Variants in CNTNAP2 observed in about 807,000 individuals in gnomAD.
CNTNAP2 encodes the protein contactin-associated protein-like 2.
In CNTNAP2, 98 loss-of-function variants were observed where a neutral mutation model predicts 155.2. The observed-to-expected ratio is 0.63, with a 90% CI of 0.54 to 0.75. The LOEUF is 0.75. CNTNAP2 is among the 30% of genes least tolerant of loss of function. CNTNAP2 has a pLI of 0.00. For synonymous variants in CNTNAP2, 651 were observed against 631.2 expected (o/e 1.03, Z -0.47); for missense variants, 1,727 against 1,688.1 (o/e 1.02, Z -0.40).
chr7:147,865,562 T>G (rs1202080850), intron 13 of CNTNAP2, among the ~76,000 whole-genome samples: 1 of 152,128 alleles, frequency 6.6e-6, no homozygotes, highest in Non-Finnish European at 1.5e-5. Context: ...GGTTCTGGAC[T>G]TTTTTTGATT....
intron 1 of CNTNAP2, among the ~76,000 whole-genome samples, chr7:146,533,946 A>G (rs998294013): frequency 6.6e-6 from 1 of 152,170 alleles, no homozygotes; most frequent in Admixed American, 6.6e-5. Context: ...TATTAAAGTT[A>G]AGTTAGAAAA....
intron 1 of CNTNAP2, 44 bp downstream of exon 1, chr7:146,117,017 C>A: frequency 6.7e-7 from 1 of 1,497,528 alleles, no homozygotes; most frequent in Non-Finnish European, 9.1e-7. Flanking sequence ...AGTTTCAGTG[C>A]GGCATTGATG....
intron 21 of CNTNAP2, among the ~76,000 whole-genome samples, chr7:148,340,333 G>C (rs1798206724): frequency 6.6e-6 from 1 of 152,164 alleles, no homozygotes; most frequent in Non-Finnish European, 1.5e-5. Context: ...CCCGAGGGAA[G>C]ATAAAGCATA....
chr7:147,358,483 T>C (rs17170444), intron 9 of CNTNAP2, among the ~76,000 whole-genome samples: 8,150 of 152,164 alleles, frequency 0.054, 739 homozygotes, highest in African/African-American at 0.19. Context: ...TGAGTAAACA[T>C]AGCTGAGTAA....
intron 1 of CNTNAP2, among the ~76,000 whole-genome samples, chr7:146,556,450 G>T (rs184590595): frequency 7.4e-4 from 112 of 152,268 alleles, no homozygotes; most frequent in African/African-American, 2.6e-3. Context: ...CATAACGCAT[G>T]TAAATCATGC....
chr7:146,867,386 G>A (rs1448511967), intron 3 of CNTNAP2, among the ~76,000 whole-genome samples: 1 of 152,124 alleles, frequency 6.6e-6, no homozygotes. Flanking sequence ...ATTTCATGGT[G>A]TATATTTAGC....
At chr7:147,443,737 A>G (rs1031258823) in intron 10 of CNTNAP2, among the ~76,000 whole-genome samples, 4 of 152,166 alleles carry the variant, frequency 2.6e-5, no homozygotes, top group East Asian at 1.9e-4. Context: ...AAGTGTGTGT[A>G]GAGATATGTT....
chr7:146,571,800 C>T (rs1230344930), intron 1 of CNTNAP2, among the ~76,000 whole-genome samples: 9 of 151,078 alleles, frequency 6.0e-5, no homozygotes, highest in Non-Finnish European at 1.3e-4. Context: ...GGCATGACCT[C>T]GGCTCACTGC....
chr7:147,397,367 C>T (rs1386190979), intron 10 of CNTNAP2, among the ~76,000 whole-genome samples: 2 of 152,054 alleles, frequency 1.3e-5, no homozygotes, highest in East Asian at 1.9e-4. Context: ...TAATTATCTA[C>T]ATATTGTTTT....
chr7:147,470,055 G>T (rs773500954), intron 10 of CNTNAP2, among the ~76,000 whole-genome samples: 1 of 152,152 alleles, frequency 6.6e-6, no homozygotes, highest in Non-Finnish European at 1.5e-5. Flanking sequence ...ATGAGGTGGG[G>T]TGGAGTGCAT....
intron 8 of CNTNAP2, among the ~76,000 whole-genome samples, chr7:147,270,303 T>G (rs1017851663): frequency 3.4e-5 from 5 of 147,812 alleles, no homozygotes; most frequent in African/African-American, 1.1e-4. Context: ...CAGTATGTAT[T>G]TGTATGTACA....
At chr7:147,677,983 T>A (rs1795893862) in intron 13 of CNTNAP2, among the ~76,000 whole-genome samples, 1 of 151,768 alleles carries the variant, frequency 6.6e-6, no homozygotes, top group South Asian at 2.1e-4. Flanking sequence ...TTGCTCAATA[T>A]CACACACTCC....
intron 8 of CNTNAP2, among the ~76,000 whole-genome samples, chr7:147,263,362 G>C (rs1804535671): frequency 8.1e-6 from 1 of 122,858 alleles, no homozygotes; most frequent in Non-Finnish European, 1.7e-5. Flanking sequence ...CCCTGCCTGG[G>C]AGAAAAATAA....
chr7:147,992,828 A>T (rs1563160352), intron 15 of CNTNAP2, among the ~76,000 whole-genome samples: 1 of 152,360 alleles, frequency 6.6e-6, no homozygotes, highest in South Asian at 2.1e-4. Context: ...CAAGCTTTAG[A>T]CAATGAAGTG....
chr7:147,566,220 T>G (rs2116797917), intron 12 of CNTNAP2, among the ~76,000 whole-genome samples: 1 of 148,860 alleles, frequency 6.7e-6, no homozygotes, highest in East Asian at 2.0e-4. Flanking sequence ...CACTTGAGCC[T>G]GGGATGTCAA....
chr7:148,349,280 T>C (rs964734471), intron 21 of CNTNAP2, among the ~76,000 whole-genome samples: 1 of 152,034 alleles, frequency 6.6e-6, no homozygotes, highest in African/African-American at 2.4e-5. Flanking sequence ...GTTAAAGGTA[T>C]AATAGGAGTG....
At chr7:147,060,564 T>C (rs984900104) in intron 4 of CNTNAP2, among the ~76,000 whole-genome samples, 1 of 151,392 alleles carries the variant, frequency 6.6e-6, no homozygotes, top group African/African-American at 2.4e-5. Context: ...CTACTAAAAG[T>C]ACAAAAAAAA....
chr7:148,026,826 C>A (rs1043170378), intron 15 of CNTNAP2, among the ~76,000 whole-genome samples: 1 of 152,140 alleles, frequency 6.6e-6, no homozygotes, highest in African/African-American at 2.4e-5. Context: ...CAAATCAGTA[C>A]CTGAGGTCTA....
chr7:148,015,977 G>T (rs1451554190), intron 15 of CNTNAP2, among the ~76,000 whole-genome samples: 2 of 152,060 alleles, frequency 1.3e-5, no homozygotes, highest in African/African-American at 4.8e-5. Flanking sequence ...TAATGAAAGG[G>T]GTACTTAGCA....
Sources: gnomAD v4.1 joint callset for allele counts (sites outside exome capture counted in the v4.1 genomes callset) on GRCh38, gnomAD v4.1.1 for gene constraint, MANE v1.5 for transcripts, NCBI Gene and HGNC (gene_info 2026-07-23, HGNC 2026-07-21) for gene names.